KCNC2: variants seen among roughly 807,000 people sequenced by gnomAD.
KCNC2 encodes potassium voltage-gated channel subfamily C member 2.
KCNC2 carries 21 observed loss-of-function variants against 44.5 expected under a neutral mutation model. The observed-to-expected ratio is 0.47, with a 90% CI of 0.33 to 0.68. The LOEUF (loss-of-function observed/expected upper bound fraction) is 0.68, where lower values mean the gene tolerates loss of function less well. KCNC2 is among the 30% of genes least tolerant of loss of function. The pLI is 0.01. For missense variants in KCNC2, 589 were observed against 826.2 expected, an observed-to-expected ratio of 0.71 and a Z score of 3.52; for synonymous variants, 391 against 339.1, an observed-to-expected ratio of 1.15 and a Z score of -1.68.
At chr12:75,205,532 G>T (rs948300325) in intron 2 of KCNC2, among the ~76,000 whole-genome samples, 1 of 152,088 alleles carries the variant, frequency 6.6e-6, no homozygotes, top group Admixed American at 6.6e-5. Flanking sequence ...AAATTTCATG[G>T]CAATGATAAA....
At chr12:75,091,712 T>A (rs575873555) in intron 2 of KCNC2, among the ~76,000 whole-genome samples, 38 of 151,712 alleles carry the variant, frequency 2.5e-4, no homozygotes, top group Non-Finnish European at 4.7e-4. Flanking sequence ...GGGAAAAATA[T>A]TTATAGTTCT....
intron 2 of KCNC2, among the ~76,000 whole-genome samples, chr12:75,179,561 A>G (rs1892415240): frequency 6.6e-6 from 1 of 151,446 alleles, no homozygotes; most frequent in South Asian, 2.1e-4. Context: ...TAGACTCCAT[A>G]TTTTCATGAA....
At chr12:75,140,522 GA>G (rs1352356948) in intron 2 of KCNC2, among the ~76,000 whole-genome samples, 1 of 151,900 alleles carries the variant, frequency 6.6e-6, no homozygotes, top group African/African-American at 2.4e-5. Flanking sequence ...TCCCTCCCTC[GA>G]ACATTGATCT....
chr12:75,119,360 T>C (rs950769732), intron 2 of KCNC2, among the ~76,000 whole-genome samples: 2 of 87,808 alleles, frequency 2.3e-5, no homozygotes, highest in Non-Finnish European at 3.8e-5. Flanking sequence ...GCTAGGAAGG[T>C]GGATATTTTC....
intron 2 of KCNC2, among the ~76,000 whole-genome samples, chr12:75,162,720 T>A (rs773975417): frequency 1.3e-5 from 2 of 151,676 alleles, no homozygotes; most frequent in Non-Finnish European, 3.0e-5. Flanking sequence ...TGCCTACTCA[T>A]CCTCAAAAAA....
chr12:75,151,297 A>G (rs901277659), intron 2 of KCNC2, among the ~76,000 whole-genome samples: 1 of 152,000 alleles, frequency 6.6e-6, no homozygotes, highest in African/African-American at 2.4e-5. Flanking sequence ...AGAATTTGTA[A>G]CCACAGAATA....
chr12:75,041,932 G>C lies in KCNC2; in HGVS notation c.*1173C>G, dbSNP rs1879949748. On this transcript the variant is annotated 3_prime_UTR_variant, in exon 5 of 5. Transcript: ENST00000549446. ...CAGAGGCATTTCTGTGCTTCATGGA[G>C]ACAGATGGCATATACAGGAAAGACA... is the stretch of plus-strand genomic sequence containing the variant. 1 of 1,000,680 alleles carries C rather than the reference G, an allele frequency of 1.0e-6. No individual in the cohort carries two copies. Among genetic ancestry groups the C allele is most frequent in the East Asian group, 1.0e-4 (1 of 9,694 alleles). 62.0% of individuals were successfully genotyped at this position (1,000,680 alleles called of 1,614,324 possible). A position where few individuals can be genotyped will look rare whatever the true frequency, so the allele number is the denominator to read the frequency against.
chr12:75,058,343 T>C (rs1881963441), intron 2 of KCNC2, among the ~76,000 whole-genome samples: 1 of 151,692 alleles, frequency 6.6e-6, no homozygotes, highest in Non-Finnish European at 1.5e-5. Flanking sequence ...CTTTAATATA[T>C]TTAATATAAA....
intron 2 of KCNC2, among the ~76,000 whole-genome samples, chr12:75,161,241 A>G (rs896121908): frequency 4.0e-5 from 6 of 151,756 alleles, no homozygotes; most frequent in African/African-American, 1.4e-4. Flanking sequence ...TCAGAAGTAA[A>G]CTAAAGTATT....
intron 2 of KCNC2, among the ~76,000 whole-genome samples, chr12:75,164,234 C>T (rs926149342): frequency 6.6e-6 from 1 of 151,544 alleles, no homozygotes; most frequent in African/African-American, 2.4e-5. Context: ...GGACTCAATG[C>T]CGTTCTCAAG....
chr12:75,191,690 A>G (rs2030286985), intron 2 of KCNC2, among the ~76,000 whole-genome samples: 2 of 150,670 alleles, frequency 1.3e-5, no homozygotes, highest in African/African-American at 2.4e-5. Flanking sequence ...AGCTGGGACT[A>G]CAGGCGCCCG....
intron 2 of KCNC2, among the ~76,000 whole-genome samples, chr12:75,156,281 T>C (rs548323628): frequency 6.6e-6 from 1 of 151,938 alleles, no homozygotes; most frequent in East Asian, 1.9e-4. Flanking sequence ...AGATAAGAAT[T>C]ATGTATACAT....
chr12:75,140,099 A>T (rs1026227048), intron 2 of KCNC2: 7 of 152,186 alleles, frequency 4.6e-5, no homozygotes, highest in African/African-American at 7.2e-5. Flanking sequence ...TCCTGTGGTC[A>T]GTCATGAGAG....
chr12:75,137,311 G>GT (rs1279860462), intron 2 of KCNC2, among the ~76,000 whole-genome samples: 2 of 151,936 alleles, frequency 1.3e-5, no homozygotes, highest in African/African-American at 4.8e-5. Flanking sequence ...TAATTTACTG[G>GT]TTTTAACTAC....
At chr12:75,114,899 T>G (rs1237713113) in intron 2 of KCNC2, among the ~76,000 whole-genome samples, 3 of 136,836 alleles carry the variant, frequency 2.2e-5, no homozygotes, top group Non-Finnish European at 3.1e-5. Context: ...GGGATCTCGC[T>G]GTCACCCAGG....
chr12:75,046,317 C>A (rs1056563842), intron 4 of KCNC2, among the ~76,000 whole-genome samples: 3 of 151,694 alleles, frequency 2.0e-5, no homozygotes, highest in Non-Finnish European at 4.4e-5. Context: ...CAAAACTTTG[C>A]AATTTTATAG....
At chr12:75,047,093 A>T (rs1035160710) in intron 4 of KCNC2, among the ~76,000 whole-genome samples, 3 of 144,238 alleles carry the variant, frequency 2.1e-5, no homozygotes, top group African/African-American at 8.8e-5. Context: ...GTGGATTTTT[A>T]TTCAAATTCA....
intron 2 of KCNC2, among the ~76,000 whole-genome samples, chr12:75,195,193 C>A (rs2030655699): frequency 6.6e-6 from 1 of 152,034 alleles, no homozygotes; most frequent in African/African-American, 2.4e-5. Context: ...CAATATAAAG[C>A]CTGTATTTCT....
chr12:75,076,540 G>C (rs1883999642), intron 2 of KCNC2, among the ~76,000 whole-genome samples: 1 of 152,094 alleles, frequency 6.6e-6, no homozygotes. Context: ...CCAAAGTGCT[G>C]GGATTACAGG....
Sources: allele counts gnomAD v4.1 joint callset (sites outside exome capture counted in the v4.1 genomes callset), GRCh38; gene constraint gnomAD v4.1.1; transcripts MANE v1.5; gene names NCBI Gene and HGNC (gene_info 2026-07-23, HGNC 2026-07-21).